Variants in KANK1 observed in about 807,000 individuals in gnomAD.
KANK1 encodes the protein KN motif and ankyrin repeat domain-containing protein 1.
In KANK1, 109 loss-of-function variants were observed where a neutral mutation model predicts 106.2. That is an observed-to-expected ratio of 1.03 (90% CI 0.88 to 1.20). The LOEUF (loss-of-function observed/expected upper bound fraction) is 1.20. Ranked by LOEUF, KANK1 falls within the 50% of genes most tolerant of loss-of-function variation. The pLI, the probability that KANK1 is intolerant of heterozygous loss-of-function variation, is 0.00. For missense variants in KANK1, 2,399 were observed against 1,710.7 expected (o/e 1.40, Z -7.10); for synonymous variants, 873 against 652.2 (o/e 1.34, Z -5.16).
intron 3 of KANK1, among the ~76,000 whole-genome samples, chr9:473,925 C>G (rs1290870868): frequency 7.2e-5 from 11 of 152,044 alleles, no homozygotes; most frequent in Admixed American, 7.2e-4. Context: ...GTCTCGATCT[C>G]TTGACCTTGT....
intron 3 of KANK1, among the ~76,000 whole-genome samples, chr9:481,438 T>C (rs2058201926): frequency 6.6e-6 from 1 of 151,778 alleles, no homozygotes. Flanking sequence ...TTCTGTGATG[T>C]GTATAAAAAT....
chr9:574,157 G>A (rs972449950), intron 1 of KANK1, among the ~76,000 whole-genome samples: 6 of 152,320 alleles, frequency 3.9e-5, no homozygotes, highest in South Asian at 2.1e-4. Flanking sequence ...TTTGAAAAGC[G>A]CAGCTCGCAC....
chr9:630,970 A>G (rs1156823273), intron 1 of KANK1, among the ~76,000 whole-genome samples: 2 of 152,098 alleles, frequency 1.3e-5, no homozygotes, highest in African/African-American at 4.8e-5. Context: ...ACAAAACAAA[A>G]CAAAAAGTGC....
chr9:620,506 G>A (rs548819810), intron 1 of KANK1, among the ~76,000 whole-genome samples: 7 of 152,006 alleles, frequency 4.6e-5, no homozygotes, highest in Non-Finnish European at 1.0e-4. Flanking sequence ...AGGTTCAAGC[G>A]ATTCTCCTGC....
At chr9:620,429 C>T (rs998317229) in intron 1 of KANK1, among the ~76,000 whole-genome samples, 11 of 151,888 alleles carry the variant, frequency 7.2e-5, no homozygotes, top group South Asian at 6.2e-4. Context: ...AACGGAGTCT[C>T]GCACTGTCAC....
intron 1 of KANK1, among the ~76,000 whole-genome samples, chr9:632,220 C>T (rs1304895343): frequency 3.3e-5 from 5 of 152,094 alleles, no homozygotes; most frequent in African/African-American, 7.2e-5. Flanking sequence ...TATTGGCAGC[C>T]AGCTTTTCCA....
intron 1 of KANK1, among the ~76,000 whole-genome samples, chr9:675,467 G>A (rs566789605): frequency 6.6e-6 from 1 of 152,014 alleles, no homozygotes; most frequent in South Asian, 2.1e-4. Context: ...TTTTCGAAAG[G>A]TATTTGCAAA....
chr9:617,161 T>A (rs1239610715), intron 1 of KANK1, among the ~76,000 whole-genome samples: 1 of 152,108 alleles, frequency 6.6e-6, no homozygotes, highest in Non-Finnish European at 1.5e-5. Flanking sequence ...TAAAATATAA[T>A]AAAGAGTTTA....
intron 7 of KANK1, 26 bp from the exon 8 acceptor site, chr9:738,259 C>T (rs1413540641): frequency 6.3e-7 from 1 of 1,587,372 alleles, no homozygotes; most frequent in African/African-American, 1.3e-5. Flanking sequence ...AATAGAAGAA[C>T]TAACGACCAC....
intron 9 of KANK1, among the ~76,000 whole-genome samples, 160 bp from the exon 10 acceptor site, chr9:742,045 G>A (rs541095917): frequency 6.6e-6 from 1 of 152,252 alleles, no homozygotes; most frequent in African/African-American, 2.4e-5. Flanking sequence ...TGGGAAGCTG[G>A]TTTCTCCCTG....
chr9:666,507 C>A (rs1844619256), intron 1 of KANK1, among the ~76,000 whole-genome samples: 1 of 152,086 alleles, frequency 6.6e-6, no homozygotes, highest in South Asian at 2.1e-4. Context: ...AAGTGCACCC[C>A]CTTGTCTTGT....
At chr9:639,969 G>C (rs961948711) in intron 1 of KANK1, among the ~76,000 whole-genome samples, 1 of 152,094 alleles carries the variant, frequency 6.6e-6, no homozygotes, top group Non-Finnish European at 1.5e-5. Context: ...ACCTCCCAGA[G>C]GACCCATCCT....
chr9:486,175 C>G (rs1408487041), intron 3 of KANK1, among the ~76,000 whole-genome samples: 2 of 152,118 alleles, frequency 1.3e-5, no homozygotes, highest in Admixed American at 1.3e-4. Flanking sequence ...TTGCTGTAAT[C>G]AAAGGATTAT....
chr9:722,328 T>C (rs1356638158), intron 3 of KANK1, among the ~76,000 whole-genome samples: 1 of 152,150 alleles, frequency 6.6e-6, no homozygotes, highest in Non-Finnish European at 1.5e-5. Flanking sequence ...TCTCTCTCTC[T>C]CTGTCTCTCT....
chr9:481,982 A>G (rs993651838), intron 3 of KANK1, among the ~76,000 whole-genome samples: 2 of 152,158 alleles, frequency 1.3e-5, no homozygotes, highest in Admixed American at 6.5e-5. Flanking sequence ...GAACCTCTCA[A>G]CTTCTTCCTC....
At chr9:573,178 A>T (rs1008226385) in intron 1 of KANK1, among the ~76,000 whole-genome samples, 2 of 152,220 alleles carry the variant, frequency 1.3e-5, no homozygotes, top group African/African-American at 2.4e-5. Flanking sequence ...CAGAGAATAA[A>T]GTATAATTTG....
chr9:524,642 C>T (rs1430683293), intron 1 of KANK1, among the ~76,000 whole-genome samples: 1 of 151,508 alleles, frequency 6.6e-6, no homozygotes, highest in African/African-American at 2.4e-5. Context: ...CTCAGCCTTC[C>T]AGGTAGCTGG....
At chr9:499,244 C>A (rs1004183076) in intron 3 of KANK1, among the ~76,000 whole-genome samples, 1 of 151,640 alleles carries the variant, frequency 6.6e-6, no homozygotes, top group Non-Finnish European at 1.5e-5. Context: ...TAGATACATA[C>A]CTAAGAGAGA....
chr9:723,781 T>C (rs2131428203), intron 3 of KANK1, among the ~76,000 whole-genome samples: 1 of 152,142 alleles, frequency 6.6e-6, no homozygotes, highest in Non-Finnish European at 1.5e-5. Flanking sequence ...GCAAACACCC[T>C]ATTAAAGAAA....
Sources: gnomAD v4.1 joint callset for allele counts (sites outside exome capture counted in the v4.1 genomes callset) on GRCh38, gnomAD v4.1.1 for gene constraint, MANE v1.5 for transcripts, NCBI Gene and HGNC (gene_info 2026-07-23, HGNC 2026-07-21) for gene names.